The following ADGRV1 variants were observed in gnomAD, a reference collection of about 807,000 sequenced individuals.
ADGRV1 encodes adhesion G protein-coupled receptor V1.
Under a neutral mutation model 596.2 loss-of-function variants are expected in ADGRV1, and 359 were observed. The observed-to-expected ratio is 0.60, with a 90% confidence interval of 0.55 to 0.66. The LOEUF (loss-of-function observed/expected upper bound fraction) is 0.66, where lower values mean the gene tolerates loss of function less well. Ranked by LOEUF, ADGRV1 falls within the 30% of genes least tolerant of loss-of-function variation. The pLI is 0.00. For synonymous variants in ADGRV1, 2,681 were observed against 2,679.2 expected (o/e 1.00, Z -0.02); for missense variants, 7,274 against 7,575.6 (o/e 0.96, Z 1.48).
At chr5:90,735,087 A>G (rs1753049054) in intron 50 of ADGRV1, among the ~76,000 whole-genome samples, 1 of 152,204 alleles carries the variant, frequency 6.6e-6, no homozygotes, top group South Asian at 2.1e-4. Flanking sequence ...TTCTGGAGTC[A>G]ATCAAAAAAT....
intron 83 of ADGRV1, among the ~76,000 whole-genome samples, chr5:90,924,329 G>T (rs1481277138): frequency 6.6e-6 from 1 of 151,704 alleles, no homozygotes; most frequent in East Asian, 1.9e-4. Flanking sequence ...CATTCTAACT[G>T]GTGTGAGATG....
At chr5:90,953,351 G>C (rs1040171839) in intron 83 of ADGRV1, among the ~76,000 whole-genome samples, 1 of 152,104 alleles carries the variant, frequency 6.6e-6, no homozygotes, top group Non-Finnish European at 1.5e-5. Context: ...ATCACAGAAA[G>C]CCTACCACAC....
At chr5:90,964,261 C>T (rs1778264086) in intron 83 of ADGRV1, among the ~76,000 whole-genome samples, 1 of 151,950 alleles carries the variant, frequency 6.6e-6, no homozygotes, top group South Asian at 2.1e-4. Context: ...TTCATGTTTT[C>T]TTTTTAAAAG....
At chr5:90,645,397 G>C (rs1198647562) in intron 15 of ADGRV1, among the ~76,000 whole-genome samples, 1 of 152,130 alleles carries the variant, frequency 6.6e-6, no homozygotes, top group African/African-American at 2.4e-5. Context: ...TCTGTTTTAG[G>C]GGGAGGGGAG....
chr5:90,805,516 C>A, intron 72 of ADGRV1, 58 bp downstream of exon 72: 1 of 1,368,638 alleles, frequency 7.3e-7, no homozygotes, highest in Non-Finnish European at 9.9e-7. Context: ...TATCACTGGC[C>A]ACTAATTGTC....
chr5:91,161,299 G>A (rs1277671051), intron 89 of ADGRV1, among the ~76,000 whole-genome samples: 5 of 152,072 alleles, frequency 3.3e-5, no homozygotes, highest in African/African-American at 1.2e-4. Flanking sequence ...TTTGTCCTTC[G>A]AAGGCCTGGA....
At chr5:90,614,791 A>G (rs1239602306) in intron 1 of ADGRV1, 44 bp from the exon 2 acceptor site, 2 of 1,315,922 alleles carry the variant, frequency 1.5e-6, no homozygotes, top group East Asian at 2.5e-5. Flanking sequence ...ATGAGAATAG[A>G]TTAGATATAT....
intron 10 of ADGRV1, among the ~76,000 whole-genome samples, chr5:90,635,670 G>A (rs1766101988): frequency 6.6e-6 from 1 of 151,550 alleles, no homozygotes; most frequent in African/African-American, 2.4e-5. Context: ...TCAGCTCAGT[G>A]CAACCTCTGC....
intron 85 of ADGRV1, among the ~76,000 whole-genome samples, chr5:91,022,161 T>A (rs1783688639): frequency 6.6e-6 from 1 of 152,104 alleles, no homozygotes; most frequent in South Asian, 2.1e-4. Flanking sequence ...TTGAACTAGT[T>A]AAAATAGCAT....
chr5:91,011,980 T>C (rs2151150972), intron 85 of ADGRV1, among the ~76,000 whole-genome samples: 1 of 152,046 alleles, frequency 6.6e-6, no homozygotes, highest in East Asian at 1.9e-4. Flanking sequence ...CCAATAAAAT[T>C]ACCCTTTCTT....
chr5:90,676,378 A>C (rs991572996), intron 25 of ADGRV1, among the ~76,000 whole-genome samples, 169 bp downstream of exon 25: 1 of 152,230 alleles, frequency 6.6e-6, no homozygotes, highest in African/African-American at 2.4e-5. Context: ...CTTAAGATAC[A>C]TGATAATATA....
chr5:90,675,476 T>C, intron 24 of ADGRV1, 31 bp downstream of exon 24: 1 of 1,575,686 alleles, frequency 6.3e-7, no homozygotes, highest in Non-Finnish European at 8.7e-7. Context: ...GAAGTTGTAT[T>C]TGCACTTGTA....
intron 1 of ADGRV1, among the ~76,000 whole-genome samples, chr5:90,574,029 A>G (rs1756885923): frequency 6.6e-6 from 1 of 152,184 alleles, no homozygotes; most frequent in South Asian, 2.1e-4. Context: ...CTTTTGTACC[A>G]GTAACAAGCT....
intron 83 of ADGRV1, among the ~76,000 whole-genome samples, chr5:90,905,831 G>T (rs1357850881): frequency 6.6e-6 from 1 of 151,900 alleles, no homozygotes; most frequent in Non-Finnish European, 1.5e-5. Flanking sequence ...AAAGGCTTTT[G>T]GTTTTTCCCC....
intron 85 of ADGRV1, among the ~76,000 whole-genome samples, chr5:91,042,353 A>T (rs930689842): frequency 6.6e-6 from 1 of 152,240 alleles, no homozygotes; most frequent in African/African-American, 2.4e-5. Context: ...CCACCAAGTA[A>T]ACTGTTTTAT....
At chr5:91,047,473 C>T (rs1314439340) in intron 85 of ADGRV1, among the ~76,000 whole-genome samples, 2 of 152,184 alleles carry the variant, frequency 1.3e-5, no homozygotes, top group African/African-American at 4.8e-5. Flanking sequence ...AGATAGGAAG[C>T]ATCCAGCATG....
intron 85 of ADGRV1, among the ~76,000 whole-genome samples, chr5:91,015,411 T>C (rs775091883): frequency 6.6e-6 from 1 of 151,972 alleles, no homozygotes; most frequent in Non-Finnish European, 1.5e-5. Context: ...TGGTCCAACT[T>C]TGAGTTCAGG....
At chr5:90,645,795 T>TG (rs1197095473) in intron 15 of ADGRV1, among the ~76,000 whole-genome samples, 173 bp from the exon 16 acceptor site, 7 of 152,106 alleles carry the variant, frequency 4.6e-5, no homozygotes, top group East Asian at 1.9e-4. Context: ...AACTAATTTT[T>TG]GGGGGGGTCT....
At position 90,712,337 on chromosome 5, in the gene ADGRV1, T is replaced by C; in HGVS notation, c.9093T>C (p.Ile3031=). 1 of 1,562,558 alleles carries C rather than the reference T, an allele frequency of 6.4e-7. No homozygotes were observed. The highest frequency in any genetic ancestry group is 2.3e-5 in the East Asian group (1 of 43,332). The change falls in exon 42 of 90, where the codon ATT becomes ATC. Residue 3031 remains isoleucine, a synonymous_variant. Transcript: ENST00000405460. ...GGTATAAAAATGTCAATATCATGAT[T>C]CTTGATGATGACATTCCAGAAGGAG... ...GERYKNVNIM[I]LDDDIPEGDE...
Sources: gnomAD v4.1 joint callset for allele counts (sites outside exome capture counted in the v4.1 genomes callset) on GRCh38, gnomAD v4.1.1 for gene constraint, MANE v1.5 for transcripts, NCBI Gene and HGNC (gene_info 2026-07-23, HGNC 2026-07-21) for gene names.